FBXW10B: variants seen among roughly 807,000 people sequenced by gnomAD.
The protein encoded by FBXW10B is F-box and WD repeat domain containing protein 10B.
At chr17:15,582,145 G>A in the FBXW10B span, among the ~76,000 whole-genome samples, 14,720 of 147,738 alleles carry the variant, frequency 0.1, 1,354 homozygotes, top group East Asian at 0.42. Context: ...ATCTAGGAAT[G>A]GGAAGAGCCG....
At chr17:15,602,111 T>TA in the FBXW10B span, among the ~76,000 whole-genome samples, 6,486 of 131,398 alleles carry the variant, frequency 0.049, 476 homozygotes, top group African/African-American at 0.16. Context: ...GACTCCGTCT[T>TA]AAAAAAAAAA....
chr17:15,590,682 C>A, the FBXW10B span, among the ~76,000 whole-genome samples: 4 of 150,196 alleles, frequency 2.7e-5, no homozygotes, highest in Non-Finnish European at 5.9e-5. Flanking sequence ...CCTCTTCCCT[C>A]TTATTTCCCT....
the FBXW10B span, among the ~76,000 whole-genome samples, chr17:15,591,320 C>G: frequency 1.3e-5 from 2 of 152,194 alleles, no homozygotes; most frequent in East Asian, 3.9e-4. Flanking sequence ...GATGGCGTCT[C>G]GCTCTGTCGC....
the FBXW10B span, among the ~76,000 whole-genome samples, chr17:15,594,224 G>C: frequency 6.6e-6 from 1 of 152,072 alleles, no homozygotes. Flanking sequence ...TGTAATCCCA[G>C]CACTTTGGGA....
chr17:15,603,173 C>A, the FBXW10B span, among the ~76,000 whole-genome samples: 2 of 151,510 alleles, frequency 1.3e-5, no homozygotes, highest in Non-Finnish European at 2.9e-5. Flanking sequence ...CGTGAGCCAC[C>A]GCGCCTGGCC....
chr17:15,601,408 C>CAAAAAAA, the FBXW10B span, among the ~76,000 whole-genome samples: 3 of 66,608 alleles, frequency 4.5e-5, no homozygotes, highest in African/African-American at 1.4e-4. Flanking sequence ...GACTCCGTCT[C>CAAAAAAA]AAAAAAAAAA....
At chr17:15,581,485 T>C in the FBXW10B span, among the ~76,000 whole-genome samples, 648 of 152,158 alleles carry the variant, frequency 4.3e-3, 6 homozygotes, top group African/African-American at 0.015. Context: ...ACAAAGTAGA[T>C]AGTGCAGGTA....
At chr17:15,580,625 C>T in the FBXW10B span, among the ~76,000 whole-genome samples, 1 of 131,040 alleles carries the variant, frequency 7.6e-6, no homozygotes, top group Non-Finnish European at 1.7e-5. Flanking sequence ...CTCCCTCCAG[C>T]TCTATTTAAA....
chr17:15,588,499 C>G, the FBXW10B span: 14 of 226,366 alleles, frequency 6.2e-5, no homozygotes, highest in South Asian at 8.1e-4. Context: ...GTCTTCAACC[C>G]TAGGAGGAAA....
At chr17:15,615,800 T>C in the FBXW10B span, 5 of 1,613,694 alleles carry the variant, frequency 3.1e-6, no homozygotes, top group Non-Finnish European at 2.5e-6. Context: ...TGTGATGTCT[T>C]GATTGAGCCC....
the FBXW10B span, among the ~76,000 whole-genome samples, chr17:15,569,455 C>CTTTTTTTTTTTTTTTTTTT: frequency 2.9e-4 from 17 of 59,192 alleles, no homozygotes; most frequent in African/African-American, 5.8e-4. Flanking sequence ...TTTTCTTTTT[C>CTTTTTTTTTTTTTTTTTTT]TTTTTTTTTT....
At chr17:15,568,857 C>A in the FBXW10B span, 130 of 1,230,882 alleles carry the variant, frequency 1.1e-4, no homozygotes, top group African/African-American at 1.9e-3. Context: ...TCTTTTCAAC[C>A]CCCTGATTTA....
At chr17:15,566,068 G>T in the FBXW10B span, 3,975 of 1,606,624 alleles carry the variant, frequency 2.5e-3, 8 homozygotes, top group Non-Finnish European at 3.0e-3. Context: ...ATCTATAGGA[G>T]GATTGCTCAA....
the FBXW10B span, among the ~76,000 whole-genome samples, chr17:15,580,269 A>G: frequency 6.6e-6 from 1 of 152,176 alleles, no homozygotes; most frequent in Non-Finnish European, 1.5e-5. Flanking sequence ...GTTGAAAATT[A>G]GAACTTTTTT....
chr17:15,574,254 A>T, the FBXW10B span: 36 of 593,558 alleles, frequency 6.1e-5, no homozygotes, highest in South Asian at 9.7e-5. Flanking sequence ...CTTATAGTTT[A>T]AAAAAAATGA....
At chr17:15,604,071 C>T in the FBXW10B span, among the ~76,000 whole-genome samples, 2 of 140,054 alleles carry the variant, frequency 1.4e-5, no homozygotes, top group Non-Finnish European at 3.0e-5. Flanking sequence ...CACAGTGAGA[C>T]TCTATCTCAA....
the FBXW10B span, among the ~76,000 whole-genome samples, chr17:15,602,656 T>G: frequency 2.1e-5 from 2 of 95,436 alleles, no homozygotes; most frequent in Non-Finnish European, 3.7e-5. Flanking sequence ...TGAGACGGAG[T>G]CTCGCTGTCG....
At chr17:15,574,029 G>A in the FBXW10B span, 5 of 652,830 alleles carry the variant, frequency 7.7e-6, no homozygotes, top group Non-Finnish European at 8.3e-6. Flanking sequence ...GCCAGCAGTC[G>A]CCAGGTGTCT....
the FBXW10B span, chr17:15,613,693 G>A: frequency 3.0e-5 from 49 of 1,608,722 alleles, no homozygotes; most frequent in East Asian, 8.1e-4. Flanking sequence ...TGGCGGCCCA[G>A]TGCTGGCTCA....
Sources: allele counts gnomAD v4.1 joint callset (sites outside exome capture counted in the v4.1 genomes callset), GRCh38; gene constraint gnomAD v4.1.1; transcripts MANE v1.5; gene names NCBI Gene and HGNC (gene_info 2026-07-23, HGNC 2026-07-21).